Variants in MMS22L observed in about 807,000 individuals in gnomAD.
MMS22L encodes protein MMS22-like.
A neutral mutation model predicts 159.1 loss-of-function variants in MMS22L; 74 were observed. The observed-to-expected ratio is 0.47, with a 90% CI of 0.39 to 0.56. The LOEUF (loss-of-function observed/expected upper bound fraction) is 0.56. MMS22L is among the 20% of genes least tolerant of loss of function. MMS22L has a pLI of 0.00. For synonymous variants in MMS22L, 517 were observed against 506.9 expected (o/e 1.02, Z -0.27); for missense variants, 1,351 against 1,422.1 (o/e 0.95, Z 0.80).
At chr6:97,151,598 T>C (rs1030947455) in intron 23 of MMS22L, 173 bp downstream of exon 23, 2 of 545,852 alleles carry the variant, frequency 3.7e-6, no homozygotes, top group African/African-American at 3.8e-5. Flanking sequence ...GGCACTTTTA[T>C]TTTTCAATAA....
intron 16 of MMS22L, among the ~76,000 whole-genome samples, chr6:97,181,640 TATG>T (rs1248526680): frequency 1.3e-5 from 2 of 152,136 alleles, no homozygotes; most frequent in Non-Finnish European, 2.9e-5. Context: ...GTCACTTCAG[TATG>T]ATGATAAGGC....
intron 14 of MMS22L, among the ~76,000 whole-genome samples, chr6:97,192,209 G>GATGGATGGATGAATGA (rs1554262354): frequency 2.9e-5 from 3 of 104,374 alleles, no homozygotes; most frequent in East Asian, 4.9e-4. Flanking sequence ...TGGATGGATG[G>GATGGATGGATGAATGA]ATGAATGAAT....
intron 14 of MMS22L, among the ~76,000 whole-genome samples, chr6:97,200,119 G>A (rs1455666851): frequency 2.0e-5 from 3 of 152,106 alleles, no homozygotes; most frequent in African/African-American, 7.2e-5. Flanking sequence ...TAGGAGGAAT[G>A]TTTAATATGA....
intron 10 of MMS22L, among the ~76,000 whole-genome samples, chr6:97,248,005 C>T (rs764952677): frequency 2.6e-5 from 4 of 152,190 alleles, no homozygotes; most frequent in Non-Finnish European, 5.9e-5. Context: ...AGATGTCCCC[C>T]AGTGACCTTT....
chr6:97,150,494 T>C (rs538794805), intron 23 of MMS22L, among the ~76,000 whole-genome samples: 4 of 152,194 alleles, frequency 2.6e-5, no homozygotes, highest in South Asian at 2.1e-4. Flanking sequence ...TAAAAGACTT[T>C]AGACCCATAG....
At position 97,237,298 on chromosome 6, in the gene MMS22L, T is replaced by C. The variant is rs148115634; in HGVS notation, c.1183-3318A>G. 1.3e-3 allele frequency among the ~76,000 whole-genome samples: 200 copies of C among 152,304 alleles called. 1 individual carries two copies. The highest frequency in any genetic ancestry group is 4.6e-3 in the African/African-American group (191 of 41,554). On this transcript the variant is annotated intron_variant, in intron 11 of 24. Coordinates refer to ENST00000683635, the MANE Select transcript of MMS22L (RefSeq NM_001350599.2). Reference sequence around the variant, plus strand: ...AGTGTACAGGTAAAGAAGAACACAGTGATCTTGGTACAAAACCTTTTCAAT... The same window carrying C: ...AGTGTACAGGTAAAGAAGAACACAGCGATCTTGGTACAAAACCTTTTCAAT...
chr6:97,279,775 G>T (rs1251778820), intron 3 of MMS22L, among the ~76,000 whole-genome samples: 1 of 143,454 alleles, frequency 7.0e-6, no homozygotes, highest in Non-Finnish European at 1.5e-5. Context: ...GACAGTGTGA[G>T]ACACCCTCTC....
chr6:97,163,757 C>G (rs1490262830), intron 21 of MMS22L, among the ~76,000 whole-genome samples: 2 of 151,902 alleles, frequency 1.3e-5, no homozygotes, highest in African/African-American at 2.4e-5. Context: ...ACTGACATAT[C>G]AGGTGTAGGT....
At chr6:97,162,249 C>T in intron 21 of MMS22L, 84 bp from the exon 22 acceptor site, 1 of 1,125,020 alleles carries the variant, frequency 8.9e-7, no homozygotes, top group Non-Finnish European at 1.3e-6. Context: ...AAGATATTGG[C>T]AAAATTTACC....
In MMS22L at chr6:97,144,270, G is replaced by A. The variant is rs1214213781; in HGVS notation, c.*2536C>T. 6.6e-6 allele frequency: 1 copy of A among 152,164 alleles called. No homozygotes were observed. The highest frequency in any genetic ancestry group is 1.5e-5 in the Non-Finnish European group (1 of 68,056). The allele number at this position is 152,164 out of a possible 1,614,324, so 9.4% of individuals were successfully genotyped here. A position where few individuals can be genotyped will look rare whatever the true frequency, so the allele number is the denominator to read the frequency against. Reference sequence around the variant, plus strand: ...ATACAGTGGTCATTTTTGGTCTGGGGACTGGTTCCAGGATCCCCTGTGCAT... The same window carrying A: ...ATACAGTGGTCATTTTTGGTCTGGGAACTGGTTCCAGGATCCCCTGTGCAT... On this transcript the variant is annotated 3_prime_UTR_variant, in exon 25 of 25. Transcript: ENST00000683635.
rs192336043 is a variant in MMS22L, at chr6:97,217,872, T to C, written c.2039+11022A>G. 3.8e-3 allele frequency among the ~76,000 whole-genome samples: 572 copies of C among 152,298 alleles called. 4 individuals are homozygous for C. The highest frequency in any genetic ancestry group is 0.031 in the Middle Eastern group (9 of 294). Reference sequence around the variant, plus strand: ...TCTGAGAAATTTTCTTAAATTGTTTTATTGATTATTTCCTTCATTCCATTT... The same window carrying C: ...TCTGAGAAATTTTCTTAAATTGTTTCATTGATTATTTCCTTCATTCCATTT... On this transcript the variant is annotated intron_variant, in intron 14 of 24. Transcript: ENST00000683635.
chr6:97,266,388 A>G (rs1487913084), intron 8 of MMS22L: 3 of 152,254 alleles, frequency 2.0e-5, no homozygotes, highest in Non-Finnish European at 2.9e-5. Context: ...AGCATTATTT[A>G]TAAGAGCCAA....
chr6:97,243,562 C>T (rs1173695685), intron 11 of MMS22L, among the ~76,000 whole-genome samples: 1 of 152,026 alleles, frequency 6.6e-6, no homozygotes, highest in African/African-American at 2.4e-5. Flanking sequence ...AAGAATCGAC[C>T]TTTAGAACTC....
chr6:97,283,726 A>G (rs915760810), upstream of MMS22L: 14 of 152,202 alleles, frequency 9.2e-5, no homozygotes, highest in African/African-American at 3.1e-4. Context: ...TAGGTGACCA[A>G]CCCAACAATA....
chr6:97,209,900 T>C (rs1416662378), intron 14 of MMS22L, among the ~76,000 whole-genome samples: 1 of 151,958 alleles, frequency 6.6e-6, no homozygotes, highest in African/African-American at 2.4e-5. Context: ...TAAATAATGG[T>C]AATTTAGTAA....
chr6:97,159,603 G>A (rs541599823), intron 22 of MMS22L, among the ~76,000 whole-genome samples: 1 of 152,012 alleles, frequency 6.6e-6, no homozygotes, highest in Admixed American at 6.6e-5. Flanking sequence ...CTGCTATATA[G>A]GTCCAGCATT....
chr6:97,261,243 T>G (rs1814447686), intron 9 of MMS22L: 1 of 152,160 alleles, frequency 6.6e-6, no homozygotes, highest in Non-Finnish European at 1.5e-5. Context: ...AGCACTCCCA[T>G]TTGCAGTTAT....
At chr6:97,247,501 G>A (rs1812787539) in intron 10 of MMS22L, among the ~76,000 whole-genome samples, 1 of 152,134 alleles carries the variant, frequency 6.6e-6, no homozygotes, top group African/African-American at 2.4e-5. Context: ...GGCCAAGGCA[G>A]GTGGATCACG....
At chr6:97,167,485 G>A (rs914244879) in intron 20 of MMS22L, among the ~76,000 whole-genome samples, 1 of 152,038 alleles carries the variant, frequency 6.6e-6, no homozygotes, top group East Asian at 1.9e-4. Flanking sequence ...TCTTACATAT[G>A]ACCACCAGAA....
Sources: gnomAD v4.1 joint callset for allele counts (sites outside exome capture counted in the v4.1 genomes callset) on GRCh38, gnomAD v4.1.1 for gene constraint, MANE v1.5 for transcripts, NCBI Gene and HGNC (gene_info 2026-07-23, HGNC 2026-07-21) for gene names.